The following CDH22 variants were observed in gnomAD, a reference collection of about 807,000 sequenced individuals.
CDH22 encodes cadherin-22.
CDH22 carries 30 observed loss-of-function variants against 58.4 expected under a neutral mutation model. The observed-to-expected ratio is 0.51, with a 90% confidence interval of 0.38 to 0.70. CDH22 has a LOEUF of 0.70. Among genes scored for constraint, CDH22 ranks in the 30% least tolerant of loss-of-function variants. The probability of loss-of-function intolerance (pLI) is 0.00; values close to 1 mark genes in which losing one functional copy is unlikely to be tolerated. For missense variants in CDH22, 1,014 were observed against 1,233.9 expected (o/e 0.82, Z 2.67); for synonymous variants, 513 against 558.2 (o/e 0.92, Z 1.14).
intron 1 of CDH22, among the ~76,000 whole-genome samples, chr20:46,288,113 A>T (rs955280534): frequency 2.5e-4 from 38 of 152,174 alleles, no homozygotes; most frequent in Non-Finnish European, 2.9e-4. Context: ...GTAGCTTAAC[A>T]TTCCCCAATG....
chr20:46,270,811 G>A (rs2086483941), intron 1 of CDH22, among the ~76,000 whole-genome samples: 1 of 152,172 alleles, frequency 6.6e-6, no homozygotes, highest in Admixed American at 6.5e-5. Flanking sequence ...TAATGCTGAT[G>A]ATATTTAAGG....
intron 1 of CDH22, among the ~76,000 whole-genome samples, chr20:46,266,911 C>A (rs1600721886): frequency 7.1e-6 from 1 of 140,830 alleles, no homozygotes; most frequent in African/African-American, 2.7e-5. Flanking sequence ...CTATAGGGTG[C>A]TTTTTTTTTT....
At chr20:46,305,609 G>A (rs551461005) in intron 1 of CDH22, among the ~76,000 whole-genome samples, 5 of 152,316 alleles carry the variant, frequency 3.3e-5, no homozygotes, top group South Asian at 2.1e-4. Flanking sequence ...GCTGCTACCC[G>A]TGTTATATAA....
intron 2 of CDH22, among the ~76,000 whole-genome samples, chr20:46,247,102 G>A (rs891874485): frequency 6.6e-6 from 1 of 152,096 alleles, no homozygotes; most frequent in African/African-American, 2.4e-5. Flanking sequence ...AAGACTTTTT[G>A]GGATTTGGGG....
chr20:46,224,632 A>C (rs8125440), intron 4 of CDH22, among the ~76,000 whole-genome samples: 1 of 152,202 alleles, frequency 6.6e-6, no homozygotes, highest in African/African-American at 2.4e-5. Flanking sequence ...CTGCTCTAGT[A>C]GCTTTCTTAA....
At chr20:46,212,853 G>A (rs2086053480) in intron 6 of CDH22, 142 bp downstream of exon 6, 5 of 660,772 alleles carry the variant, frequency 7.6e-6, no homozygotes, top group Middle Eastern at 4.0e-4. Flanking sequence ...TACCATCAGT[G>A]TTTTTCCAGG....
At position 46,218,009 on chromosome 20, in the gene CDH22, C is replaced by T. The variant is rs142408445; in HGVS notation, c.671-1016G>A. ...TGGCGCGATCTCAGCTCACTGCAAC[C>T]TCCTCCCGGGTTCAAGCAACTCTCC... On this transcript the variant is annotated intron_variant, in intron 4 of 11. Transcript: ENST00000537909. Among the ~76,000 whole-genome samples the T allele has an allele frequency of 8.9e-3, 1,348 of 152,126 alleles. 19 individuals carry two copies. The highest frequency in any genetic ancestry group is 0.031 in the African/African-American group (1,292 of 41,454).
chr20:46,240,853 G>A, intron 3 of CDH22, 110 bp downstream of exon 3: 2 of 1,007,628 alleles, frequency 2.0e-6, no homozygotes, highest in Non-Finnish European at 2.9e-6. Flanking sequence ...TAGGTCAGCA[G>A]GCTCTGTCTT....
intron 4 of CDH22, chr20:46,219,977 A>C (rs2086112341): frequency 6.6e-6 from 1 of 152,588 alleles, no homozygotes; most frequent in African/African-American, 2.4e-5. Flanking sequence ...AGAGAATGGA[A>C]GGCAGACAGA....
chr20:46,190,754 C>T (rs1362307750), intron 8 of CDH22, among the ~76,000 whole-genome samples: 1 of 152,172 alleles, frequency 6.6e-6, no homozygotes, highest in Admixed American at 6.5e-5. Flanking sequence ...ATTAAACGTG[C>T]TTTGGCCCGG....
chr20:46,275,525 C>G, intron 1 of CDH22, among the ~76,000 whole-genome samples: 1 of 151,984 alleles, frequency 6.6e-6, no homozygotes, highest in Admixed American at 6.6e-5. Flanking sequence ...TATTTTTTGT[C>G]ACCCTCTCTC....
intron 1 of CDH22, among the ~76,000 whole-genome samples, chr20:46,287,855 G>A (rs900405028): frequency 7.2e-5 from 11 of 152,048 alleles, no homozygotes; most frequent in African/African-American, 2.7e-4. Context: ...AATGAAACAC[G>A]GACATGGGAG....
intron 2 of CDH22, among the ~76,000 whole-genome samples, chr20:46,246,811 G>A (rs1173936546): frequency 2.6e-5 from 4 of 152,154 alleles, no homozygotes; most frequent in Non-Finnish European, 4.4e-5. Context: ...CGGATGCTCC[G>A]AGCGGCTCCC....
rs35160313 is a variant in CDH22, at chr20:46,257,012, GA to G, written c.-399-5320del. On this transcript the variant is annotated intron_variant, in intron 1 of 11. Coordinates refer to ENST00000537909, the MANE Select transcript of CDH22 (RefSeq NM_021248.3). ...ACAGAGTGAGACCCTGTCTCTAAAA[GA>G]AAAAAAAAAAAAGGCCAGGCATGGT... 5.3e-3 allele frequency among the ~76,000 whole-genome samples: 721 copies of G among 136,230 alleles called. 5 individuals carry two copies. Among genetic ancestry groups the G allele is most frequent in the African/African-American group, 0.017 (629 of 36,722 alleles). The allele number at this position is 136,230 out of a possible 152,430, so 89.4% of individuals were successfully genotyped here. A position where few individuals can be genotyped will look rare whatever the true frequency, so the allele number is the denominator to read the frequency against.
intron 2 of CDH22, among the ~76,000 whole-genome samples, chr20:46,250,765 G>C (rs1459507199): frequency 1.3e-5 from 2 of 152,168 alleles, no homozygotes; most frequent in East Asian, 1.9e-4. Flanking sequence ...TTGCAAACTC[G>C]TTCCTAAATC....
At chr20:46,223,768 CTTT>C (rs2086150210) in intron 4 of CDH22, among the ~76,000 whole-genome samples, 1 of 131,090 alleles carries the variant, frequency 7.6e-6, no homozygotes, top group Admixed American at 8.0e-5. Flanking sequence ...TTCTTTCTTT[CTTT>C]CTTTCCTCTC....
intron 1 of CDH22, among the ~76,000 whole-genome samples, chr20:46,299,376 A>G (rs73301988): frequency 0.055 from 8,359 of 152,290 alleles, 392 homozygotes; most frequent in African/African-American, 0.12. Flanking sequence ...AGTCAAGCGC[A>G]TCACTTCCTC....
chr20:46,188,866 A>T (rs73622656), intron 8 of CDH22, among the ~76,000 whole-genome samples: 2 of 152,080 alleles, frequency 1.3e-5, no homozygotes, highest in East Asian at 1.9e-4. Flanking sequence ...GGAGGAGGAA[A>T]CCACACCTCA....
chr20:46,276,470 G>C (rs903992090), intron 1 of CDH22, among the ~76,000 whole-genome samples: 1 of 152,208 alleles, frequency 6.6e-6, no homozygotes, highest in African/African-American at 2.4e-5. Flanking sequence ...GGTCAGCAAA[G>C]AGAGGGATAA....
Sources: allele counts gnomAD v4.1 joint callset (sites outside exome capture counted in the v4.1 genomes callset), GRCh38; gene constraint gnomAD v4.1.1; transcripts MANE v1.5; gene names NCBI Gene and HGNC (gene_info 2026-07-23, HGNC 2026-07-21).